Variants in RNF144B observed in about 807,000 individuals in gnomAD.
RNF144B encodes ring finger protein 144B, also known as E3 ubiquitin-protein ligase RNF144B.
Under a neutral mutation model 40.2 loss-of-function variants are expected in RNF144B, and 25 were observed. That is an observed-to-expected ratio of 0.62 (90% CI 0.45 to 0.87). RNF144B has a LOEUF of 0.87. RNF144B is among the 40% of genes least tolerant of loss of function. The probability of loss-of-function intolerance (pLI) is 0.00; values close to 1 mark genes in which losing one functional copy is unlikely to be tolerated. For synonymous variants in RNF144B, 145 were observed against 136.3 expected, an observed-to-expected ratio of 1.06 and a Z score of -0.44; for missense variants, 365 against 373.7, an observed-to-expected ratio of 0.98 and a Z score of 0.19.
intron 3 of RNF144B, 110 bp downstream of exon 3, chr6:18,427,795 T>A (rs1453234561): frequency 2.8e-6 from 2 of 703,224 alleles, no homozygotes; most frequent in East Asian, 5.5e-5. Context: ...AATACAGAGG[T>A]TAACTTTTTA....
At chr6:18,408,766 C>G (rs1355108103) in intron 2 of RNF144B, among the ~76,000 whole-genome samples, 1 of 152,124 alleles carries the variant, frequency 6.6e-6, no homozygotes, top group Admixed American at 6.5e-5. Flanking sequence ...CTGCCCACTT[C>G]TATTCTCCTT....
Position 18,444,636 on chromosome 6 carries a change from C to T in RNF144B, c.331+4892C>T, listed in dbSNP as rs983798540. 4.0e-5 allele frequency among the ~76,000 whole-genome samples: 6 copies of T among 151,756 alleles called. No individual in the cohort carries two copies. Among genetic ancestry groups the T allele is most frequent in the African/African-American group, 1.5e-4 (6 of 41,280 alleles). On this transcript the variant is annotated intron_variant, in intron 4 of 7. Transcript: ENST00000259939. The surrounding 1 kb of genome is among the most constrained non-coding windows in gnomAD (Gnocchi z 4.3). ...ATTACCATATAGCAGTTTAAGAACT[C>T]TTACAGAAGGGTTGTGTCATATTGT...
chr6:18,422,397 A>G lies in RNF144B; in HGVS notation c.166-5184A>G, dbSNP rs1758445839. Among the ~76,000 whole-genome samples the G allele has an allele frequency of 6.6e-6, 1 of 152,198 alleles. No homozygotes were observed. ...CACTGAGGCAGGGAAATGTTAGTCT[A>G]CATTTTATGGAATATGTACTTCAGT... is the stretch of plus-strand genomic sequence containing the variant. On this transcript the variant is annotated intron_variant, in intron 2 of 7. Coordinates refer to ENST00000259939, the MANE Select transcript of RNF144B (RefSeq NM_182757.4). The surrounding 1 kb of genome is among the most constrained non-coding windows in gnomAD (Gnocchi z 4.7).
intron 3 of RNF144B, 40 bp from the exon 4 acceptor site, chr6:18,439,644 T>G (rs1426527049): frequency 6.9e-7 from 1 of 1,454,810 alleles, no homozygotes. Flanking sequence ...CAGGGCACTA[T>G]GATGACTGAA....
intron 3 of RNF144B, among the ~76,000 whole-genome samples, chr6:18,431,464 A>C (rs478281): frequency 0.39 from 59,278 of 151,988 alleles, 11,951 homozygotes; most frequent in African/African-American, 0.49. Context: ...AACTTGCTTT[A>C]GATCAAGATT....
Position 18,406,131 on chromosome 6 carries a change from T to C in RNF144B, c.165+6432T>C, listed in dbSNP as rs1159124263. 2 of 518,988 alleles carry C rather than the reference T, an allele frequency of 3.9e-6. No homozygotes were observed. The highest frequency in any genetic ancestry group is 7.7e-6 in the Non-Finnish European group (2 of 259,846). The allele number at this position is 518,988 out of a possible 1,614,324, so 32.1% of individuals were successfully genotyped here. On this transcript the variant is annotated intron_variant, in intron 2 of 7. Coordinates refer to ENST00000259939, the MANE Select transcript of RNF144B (RefSeq NM_182757.4). The surrounding 1 kb of genome is among the most constrained non-coding windows in gnomAD (Gnocchi z 4.2). The stretch of plus-strand genomic sequence containing the variant: ...AGTGGTGAACGATCAGATTAAGCCC[T>C]GGTTTTCAAATAACTCAACTTTTCG...
In RNF144B at chr6:18,443,447, G is replaced by A. The variant is rs1018387277; in HGVS notation, c.331+3703G>A. Among the ~76,000 whole-genome samples, 2 of 151,844 alleles carry A rather than the reference G, an allele frequency of 1.3e-5. No individual in the cohort carries two copies. Among genetic ancestry groups the A allele is most frequent in the Non-Finnish European group, 2.9e-5 (2 of 67,958 alleles). Reference sequence around the variant, plus strand: ...TTGGCTAATTTCATATTTTAGTAGAGATGGGGTTTCGACATGTTGGTCAGG... The same window carrying A: ...TTGGCTAATTTCATATTTTAGTAGAAATGGGGTTTCGACATGTTGGTCAGG... On this transcript the variant is annotated intron_variant, in intron 4 of 7. Transcript: ENST00000259939. This position sits in a 1 kb window ranked among gnomAD's most constrained non-coding sequence, Gnocchi z 4.7.
chr6:18,422,235 C>G lies in RNF144B; in HGVS notation c.166-5346C>G, dbSNP rs1310160133. 6.6e-6 allele frequency among the ~76,000 whole-genome samples: 1 copy of G among 152,170 alleles called. No individual in the cohort carries two copies. Among genetic ancestry groups the G allele is most frequent in the Non-Finnish European group, 1.5e-5 (1 of 68,032 alleles). On this transcript the variant is annotated intron_variant, in intron 2 of 7. Coordinates refer to ENST00000259939, the MANE Select transcript of RNF144B (RefSeq NM_182757.4). The surrounding 1 kb of genome is among the most constrained non-coding windows in gnomAD (Gnocchi z 4.7). ...ATCTTGAATTGTGCTAATAATTTAA[C>G]TCAACAGCATCTAACAAAGGCAGTC...
chr6:18,462,660 AAGTTT>A (rs535945646), intron 6 of RNF144B, among the ~76,000 whole-genome samples: 12 of 132,152 alleles, frequency 9.1e-5, no homozygotes, highest in Non-Finnish European at 2.0e-4. Flanking sequence ...GCTGAGGTCC[AAGTTT>A]TTTTTTTTTT....
At chr6:18,411,411 C>T (rs1212523869) in intron 2 of RNF144B, among the ~76,000 whole-genome samples, 1 of 139,656 alleles carries the variant, frequency 7.2e-6, no homozygotes, top group Non-Finnish European at 1.5e-5. Flanking sequence ...AAATGTAACA[C>T]ATGCTAATTT....
intron 4 of RNF144B, among the ~76,000 whole-genome samples, chr6:18,440,193 G>T (rs540980918): frequency 6.6e-6 from 1 of 152,248 alleles, no homozygotes; most frequent in East Asian, 1.9e-4. Context: ...TAATAACAGA[G>T]TATGGATATG....
intron 4 of RNF144B, among the ~76,000 whole-genome samples, chr6:18,453,932 A>G (rs1886353): frequency 0.08 from 12,140 of 152,312 alleles, 604 homozygotes; most frequent in Non-Finnish European, 0.12. Context: ...CTTTAACAGC[A>G]AGGGCATTTC....
In RNF144B at chr6:18,412,141, G is replaced by C. The variant is rs1795060735; in HGVS notation, c.165+12442G>C. On this transcript the variant is annotated intron_variant, in intron 2 of 7. Coordinates refer to ENST00000259939, the MANE Select transcript of RNF144B (RefSeq NM_182757.4). This position sits in a 1 kb window ranked among gnomAD's most constrained non-coding sequence, Gnocchi z 4.2. ...GAAATAGAATTGCCTAACCAAAATA[G>C]ATGTACATTTTAAATCAGTATGTGT... Among the ~76,000 whole-genome samples the C allele has an allele frequency of 6.6e-6, 1 of 152,100 alleles. No individual in the cohort carries two copies. Among genetic ancestry groups the C allele is most frequent in the Admixed American group, 6.5e-5 (1 of 15,268 alleles).
chr6:18,434,925 T>C lies in RNF144B; in HGVS notation c.271-4759T>C, dbSNP rs12527441. On this transcript the variant is annotated intron_variant, in intron 3 of 7. Transcript: ENST00000259939. This position sits in a 1 kb window ranked among gnomAD's most constrained non-coding sequence, Gnocchi z 4.1. ...CGTAAGCCACCTTGCCTGGCCAGAA[T>C]TGAGTATTTAATAAGGATCATAAGG... is the stretch of plus-strand genomic sequence containing the variant. Among the ~76,000 whole-genome samples the C allele has an allele frequency of 0.13, 19,397 of 152,190 alleles. 1,392 individuals carry two copies. Among genetic ancestry groups the C allele is most frequent in the Admixed American group, 0.19 (2,962 of 15,280 alleles).
In RNF144B at chr6:18,422,355, A is replaced by G. The variant is rs1051109992; in HGVS notation, c.166-5226A>G. Among the ~76,000 whole-genome samples the G allele has an allele frequency of 2.0e-5, 3 of 152,210 alleles. No homozygotes were observed. Among genetic ancestry groups the G allele is most frequent in the Admixed American group, 2.0e-4 (3 of 15,284 alleles). ...ATGTTATTTAGAACACACTGGAAAC[A>G]TTGTGATGTCATTGTGCACTGAGGC... On this transcript the variant is annotated intron_variant, in intron 2 of 7. Coordinates refer to ENST00000259939, the MANE Select transcript of RNF144B (RefSeq NM_182757.4). The surrounding 1 kb of genome is among the most constrained non-coding windows in gnomAD (Gnocchi z 4.7).
chr6:18,396,732 A>G (rs1794701080), intron 1 of RNF144B: 11 of 985,352 alleles, frequency 1.1e-5, no homozygotes, highest in Non-Finnish European at 1.3e-5. Flanking sequence ...AACAGATGGG[A>G]AGTTGGTGGG....
rs2113520241 is a variant in RNF144B, at chr6:18,443,965, T to C, written c.331+4221T>C. On this transcript the variant is annotated intron_variant, in intron 4 of 7. Coordinates refer to ENST00000259939, the MANE Select transcript of RNF144B (RefSeq NM_182757.4). The surrounding 1 kb of genome is among the most constrained non-coding windows in gnomAD (Gnocchi z 4.7). ...AGAATTGTAGAGATTGCTGCTGCTC[T>C]GGAAAAACGTAGAATCAGAGTAGAT... Among the ~76,000 whole-genome samples, 1 of 152,306 alleles carries C rather than the reference T, an allele frequency of 6.6e-6. No individual in the cohort carries two copies. The highest frequency in any genetic ancestry group is 1.5e-5 in the Non-Finnish European group (1 of 68,024).
At position 18,447,580 on chromosome 6, in the gene RNF144B, G is replaced by A. The variant is rs1759111243; in HGVS notation, c.331+7836G>A. ...ATGGCAGCAGGGAGATTTATTAGGA[G>A]GCTGTGGTAGTGATCCAGTCCAAAA... On this transcript the variant is annotated intron_variant, in intron 4 of 7. Transcript: ENST00000259939. The surrounding 1 kb of genome is among the most constrained non-coding windows in gnomAD (Gnocchi z 5.6). 6.6e-6 allele frequency among the ~76,000 whole-genome samples: 1 copy of A among 152,116 alleles called. No homozygotes were observed. The highest frequency in any genetic ancestry group is 2.4e-5 in the African/African-American group (1 of 41,414).
In RNF144B at chr6:18,418,175, A is replaced by G. The variant is rs770130269; in HGVS notation, c.166-9406A>G. Among the ~76,000 whole-genome samples, 8 of 152,220 alleles carry G rather than the reference A, an allele frequency of 5.3e-5. No homozygotes were observed. Among genetic ancestry groups the G allele is most frequent in the Non-Finnish European group, 8.8e-5 (6 of 68,038 alleles). The stretch of plus-strand genomic sequence containing the variant: ...ATGCAATTGCTTTGGAAAATCATCT[A>G]GCAGTTCCTCAAAAGGCAAAGATAG... On this transcript the variant is annotated intron_variant, in intron 2 of 7. Coordinates refer to ENST00000259939, the MANE Select transcript of RNF144B (RefSeq NM_182757.4). The surrounding 1 kb of genome is among the most constrained non-coding windows in gnomAD (Gnocchi z 5.2).
Sources: allele counts gnomAD v4.1 joint callset (sites outside exome capture counted in the v4.1 genomes callset), GRCh38; gene constraint gnomAD v4.1.1; non-coding constraint Gnocchi (gnomAD v3.1); transcripts MANE v1.5; gene names NCBI Gene and HGNC (gene_info 2026-07-23, HGNC 2026-07-21).